Variants in SART3 observed in about 807,000 individuals in gnomAD.
The protein encoded by SART3 is HIV-1 Tat-interacting protein of 110kDa.
Under a neutral mutation model 122.3 loss-of-function variants are expected in SART3, and 44 were observed. That is an observed-to-expected ratio of 0.36 (90% CI 0.28 to 0.46). The LOEUF is 0.46. SART3 is among the 20% of genes least tolerant of loss of function. SART3 has a pLI of 1.00. For missense variants in SART3, 1,101 were observed against 1,229.0 expected (o/e 0.90, Z 1.56); for synonymous variants, 442 against 454.0 (o/e 0.97, Z 0.34).
chr12:108,538,692 A>C (rs1303662752), intron 7 of SART3, among the ~76,000 whole-genome samples: 1 of 152,240 alleles, frequency 6.6e-6, no homozygotes, highest in African/African-American at 2.4e-5. Context: ...AAGTTAAAAG[A>C]AAAATATCAA....
At chr12:108,536,843 T>A (rs1872930461) in intron 9 of SART3, 58 bp from the exon 10 acceptor site, 1 of 1,514,442 alleles carries the variant, frequency 6.6e-7, no homozygotes, top group Non-Finnish European at 9.1e-7. Flanking sequence ...TTTGTTTTAT[T>A]TTTTATCCTA....
chr12:108,526,753 C>T (rs1343014590), intron 15 of SART3, among the ~76,000 whole-genome samples, 200 bp from the exon 16 acceptor site: 3 of 148,608 alleles, frequency 2.0e-5, no homozygotes, highest in Non-Finnish European at 4.4e-5. Flanking sequence ...GCCCCAATTA[C>T]ACTCGGGTAA....
chr12:108,528,708 G>A (rs572615694), intron 15 of SART3, among the ~76,000 whole-genome samples: 35 of 152,258 alleles, frequency 2.3e-4, no homozygotes, highest in African/African-American at 8.2e-4. Flanking sequence ...AAACAGGGTG[G>A]GGATGGCACA....
At chr12:108,560,005 C>A (rs1346643145) in intron 1 of SART3, among the ~76,000 whole-genome samples, 1 of 152,248 alleles carries the variant, frequency 6.6e-6, no homozygotes, top group African/African-American at 2.4e-5. Context: ...CAAAGATGGA[C>A]ACCAGGTTCT....
intron 1 of SART3, among the ~76,000 whole-genome samples, chr12:108,556,209 A>G (rs1343619689): frequency 6.6e-6 from 1 of 152,004 alleles, no homozygotes; most frequent in Non-Finnish European, 1.5e-5. Context: ...CTCCCGCCTC[A>G]GCCTCTTGAG....
At chr12:108,535,593 G>A (rs549982786) in intron 11 of SART3, 125 bp from the exon 12 acceptor site, 1 of 831,558 alleles carries the variant, frequency 1.2e-6, no homozygotes, top group East Asian at 2.5e-5. Context: ...AGATGTCCCT[G>A]GGCATTCCCC....
At chr12:108,528,493 A>AC (rs959944426) in intron 15 of SART3, among the ~76,000 whole-genome samples, 1 of 150,748 alleles carries the variant, frequency 6.6e-6, no homozygotes, top group Non-Finnish European at 1.5e-5. Flanking sequence ...AAAAAAAAAA[A>AC]AAAAAAAAAG....
rs769047915 is a variant in SART3, at chr12:108,560,914, C to T, written c.241G>A (p.Gly81Arg). The T allele has an allele frequency of 9.9e-6, 16 of 1,613,748 alleles. No individual in the cohort carries two copies. Among genetic ancestry groups the T allele is most frequent in the Non-Finnish European group, 1.4e-5 (16 of 1,179,906 alleles). ...AMASSAESSP[G>R]EYEWEYDEEE... The stretch of plus-strand genomic sequence containing the variant: ...TCGTCATATTCCCACTCGTACTCCC[C>T]GGGGGAGCTCTCCGCGGAGGAAGCC... Residue 81 changes from glycine (G) to arginine (R), a missense_variant, in exon 1 of 19, where the codon GGG becomes AGG. Transcript: ENST00000546815.
Position 108,547,971 on chromosome 12 carries a change from G to T in SART3, c.460C>A (p.His154Asn). 1.2e-6 allele frequency: 2 copies of T among 1,613,292 alleles called. No homozygotes were observed. Among genetic ancestry groups the T allele is most frequent in the Non-Finnish European group, 1.7e-6 (2 of 1,179,972 alleles). Residue 154 changes from histidine (H) to asparagine (N), a missense_variant, in exon 3 of 19, where the codon CAT becomes AAT. Physicochemically the swap from His to Asn is moderately conservative, Grantham distance 68. This residue lies in a region of SART3 where 885 missense variants were observed against 1,080.1 expected (regional missense o/e 0.82). Transcript: ENST00000546815. ...TCCTGGGCCATGCTGATCTCGTCAT[G>T]CAGCCACTCCAGCCAGAGCTCTACG... ...LTEELWLEWL[H>N]DEISMAQDGL...
chr12:108,551,506 TA>T (rs1198384417), intron 1 of SART3, among the ~76,000 whole-genome samples: 1 of 152,120 alleles, frequency 6.6e-6, no homozygotes, highest in African/African-American at 2.4e-5. Context: ...AAAAGCAAAT[TA>T]AAAAATTTTT....
Position 108,549,175 on chromosome 12 carries a change from A to G in SART3, c.352T>C (p.Leu118=). 6.2e-7 allele frequency: 1 copy of G among 1,614,210 alleles called. No homozygotes were observed. Among genetic ancestry groups the G allele is most frequent in the Non-Finnish European group, 8.5e-7 (1 of 1,180,020 alleles). ...NVYDYNCHVD[L]IRLLRLEGEL... ...CCTTCCAGCCTGAGCAGTCTGATCA[A>G]GTCCACATGGCAGTTGTAGTCATAG... Residue 118 remains leucine, a synonymous_variant, in exon 2 of 19, where the codon TTG becomes CTG. Transcript: ENST00000546815.
At chr12:108,556,838 C>T (rs1051377175) in intron 1 of SART3, among the ~76,000 whole-genome samples, 1 of 152,266 alleles carries the variant, frequency 6.6e-6, no homozygotes, top group African/African-American at 2.4e-5. Context: ...CATCACCAGT[C>T]TGAACTCAAT....
chr12:108,542,006 T>A (rs1873189768), intron 6 of SART3, among the ~76,000 whole-genome samples: 1 of 11,286 alleles, frequency 8.9e-5, no homozygotes, highest in Non-Finnish European at 2.9e-4. Flanking sequence ...GGCTTTTTTT[T>A]TTTTTTTTTT....
At chr12:108,524,294 A>G (rs1479769364) in intron 18 of SART3, 22 bp downstream of exon 18, 2 of 1,604,498 alleles carry the variant, frequency 1.2e-6, no homozygotes, top group Admixed American at 3.3e-5. Flanking sequence ...AGTTTGCACT[A>G]GTCTACCATG....
At chr12:108,543,288 T>G (rs1461391214) in intron 5 of SART3, 136 bp from the exon 6 acceptor site, 1 of 1,016,026 alleles carries the variant, frequency 9.8e-7, no homozygotes, top group East Asian at 2.5e-5. Context: ...GATCAAATTC[T>G]GATTTCTGCT....
At chr12:108,526,078 T>C (rs1291982157) in intron 16 of SART3, 21 bp downstream of exon 16, 2 of 1,601,716 alleles carry the variant, frequency 1.2e-6, no homozygotes, top group Non-Finnish European at 8.6e-7. Flanking sequence ...TGAAAGGCAT[T>C]CTTTTTTTCC....
intron 1 of SART3, among the ~76,000 whole-genome samples, chr12:108,553,002 G>C (rs1442235015): frequency 6.6e-6 from 1 of 152,094 alleles, no homozygotes; most frequent in East Asian, 1.9e-4. Context: ...CATAGATGAA[G>C]AGAATAGAAC....
intron 12 of SART3, among the ~76,000 whole-genome samples, 199 bp downstream of exon 12, chr12:108,535,160 T>C (rs1016721839): frequency 2.0e-5 from 3 of 152,196 alleles, no homozygotes; most frequent in African/African-American, 7.2e-5. Context: ...TGCATGGCTA[T>C]AAGAGTTCCA....
rs537333825 is a variant in SART3, at chr12:108,534,611, C to CA, written c.1556+747dup. On this transcript the variant is annotated intron_variant, in intron 12 of 18. Coordinates refer to ENST00000546815, the MANE Select transcript of SART3 (RefSeq NM_014706.4). ...AGAAGAATTGCTCGAACCCAGGAGGCAAGGTTGCAGCTGAGACTGCACCAC... is the reference window on the plus strand; with the variant it reads ...AGAAGAATTGCTCGAACCCAGGAGGCAAAGGTTGCAGCTGAGACTGCACCAC... Among the ~76,000 whole-genome samples the CA allele has an allele frequency of 1.8e-4, 28 of 152,182 alleles. No homozygotes were observed. In the South Asian group the frequency reaches 5.4e-3, roughly 29 times the overall value.
Sources: allele counts gnomAD v4.1 joint callset (sites outside exome capture counted in the v4.1 genomes callset), GRCh38; gene constraint gnomAD v4.1.1; regional missense constraint gnomAD v4.1.1; transcripts MANE v1.5; gene names NCBI Gene and HGNC (gene_info 2026-07-23, HGNC 2026-07-21).